SHROOM3: variants seen among roughly 807,000 people sequenced by gnomAD.
SHROOM3 encodes protein Shroom3.
SHROOM3 carries 47 observed loss-of-function variants against 138.6 expected under a neutral mutation model. The observed-to-expected ratio is 0.34, with a 90% CI of 0.27 to 0.43. SHROOM3 has a LOEUF of 0.43. Ranked by LOEUF, SHROOM3 falls within the 20% of genes least tolerant of loss-of-function variation. SHROOM3 has a pLI of 1.00. For synonymous variants in SHROOM3, 1,062 were observed against 1,063.3 expected, an observed-to-expected ratio of 1.00 and a Z score of 0.02; for missense variants, 2,491 against 2,596.5, an observed-to-expected ratio of 0.96 and a Z score of 0.88.
chr4:76,592,208 GA>G (rs2110049590), intron 2 of SHROOM3, among the ~76,000 whole-genome samples: 1 of 152,322 alleles, frequency 6.6e-6, no homozygotes, highest in South Asian at 2.1e-4. Flanking sequence ...ACGTGTTTGG[GA>G]AAGAGCTGGG....
intron 2 of SHROOM3, among the ~76,000 whole-genome samples, chr4:76,695,195 T>C (rs1719688682): frequency 6.6e-6 from 1 of 152,196 alleles, no homozygotes. Context: ...CTAATGAACA[T>C]GTCTTTTCTT....
At chr4:76,699,798 G>A (rs1719853642) in intron 2 of SHROOM3, among the ~76,000 whole-genome samples, 1 of 152,184 alleles carries the variant, frequency 6.6e-6, no homozygotes, top group Non-Finnish European at 1.5e-5. Flanking sequence ...AGGCATGTCA[G>A]AGGTATTTGG....
intron 2 of SHROOM3, among the ~76,000 whole-genome samples, chr4:76,661,199 G>A (rs1336538142): frequency 6.6e-6 from 1 of 151,624 alleles, no homozygotes; most frequent in Non-Finnish European, 1.5e-5. Flanking sequence ...ATTCACTTGT[G>A]TAATCCACAT....
chr4:76,688,952 T>C, intron 2 of SHROOM3: 3 of 961,874 alleles, frequency 3.1e-6, no homozygotes, highest in Non-Finnish European at 3.7e-6. Flanking sequence ...ATTTTCCTTG[T>C]AATGCGAGCT....
chr4:76,504,218 G>A (rs1352683899), intron 1 of SHROOM3, among the ~76,000 whole-genome samples: 1 of 152,098 alleles, frequency 6.6e-6, no homozygotes, highest in Non-Finnish European at 1.5e-5. Context: ...GAGTGTAATG[G>A]CACGATCTCG....
chr4:76,643,039 C>A (rs1735716198), intron 2 of SHROOM3, among the ~76,000 whole-genome samples: 1 of 151,944 alleles, frequency 6.6e-6, no homozygotes, highest in Admixed American at 6.6e-5. Flanking sequence ...AAACCCCCAT[C>A]TCTATTAGAA....
At chr4:76,753,630 C>T (rs559690895) in intron 6 of SHROOM3, among the ~76,000 whole-genome samples, 46 of 152,248 alleles carry the variant, frequency 3.0e-4, no homozygotes, top group African/African-American at 1.0e-3. Flanking sequence ...AAAAGTTTTG[C>T]GAATTGTTGG....
chr4:76,762,937 T>G (rs1037669449), intron 9 of SHROOM3, among the ~76,000 whole-genome samples: 1 of 152,052 alleles, frequency 6.6e-6, no homozygotes, highest in Non-Finnish European at 1.5e-5. Flanking sequence ...CATTGAAGAA[T>G]GTATCGGTAG....
In SHROOM3 at chr4:76,754,613, C is replaced by T; in HGVS notation, c.4130C>T (p.Pro1377Leu). 1 of 1,614,166 alleles carries T rather than the reference C, an allele frequency of 6.2e-7. No homozygotes were observed. Among genetic ancestry groups the T allele is most frequent in the South Asian group, 1.1e-5 (1 of 91,076 alleles). ...CSQDGQTGRQ[P>L]LPPYTPAMMH... ...CAGGACGGTCAGACAGGGCGACAGC[C>T]TCTCCCGCCCTACACCCCTGCCATG... The change falls in exon 7 of 11, where the codon CCT becomes CTT. Residue 1377 changes from proline (P) to leucine (L), a missense_variant. By Grantham distance (98) the Pro-to-Leu change is moderately conservative. Around this residue, in one of 4 missense-constraint regions of SHROOM3, gnomAD observed 1,733 missense variants for 1,661.6 expected, o/e 1.04. Coordinates refer to ENST00000296043, the MANE Select transcript of SHROOM3 (RefSeq NM_020859.4).
chr4:76,548,572 T>C (rs911155791), intron 1 of SHROOM3, among the ~76,000 whole-genome samples: 1 of 152,216 alleles, frequency 6.6e-6, no homozygotes, highest in African/African-American at 2.4e-5. Context: ...ACAGTGTATA[T>C]CACCGTGCTG....
intron 1 of SHROOM3, among the ~76,000 whole-genome samples, chr4:76,542,619 T>C (rs1733130029): frequency 6.6e-6 from 1 of 152,158 alleles, no homozygotes; most frequent in Non-Finnish European, 1.5e-5. Context: ...TGTGGAAGGC[T>C]CTGGAAGCTA....
At chr4:76,436,765 T>C (rs1236681213) in intron 1 of SHROOM3, among the ~76,000 whole-genome samples, 1 of 152,220 alleles carries the variant, frequency 6.6e-6, no homozygotes, top group Non-Finnish European at 1.5e-5. Context: ...ATCTGTATAT[T>C]TGAATCCCTT....
intron 2 of SHROOM3, among the ~76,000 whole-genome samples, chr4:76,661,390 T>C (rs1042451542): frequency 2.6e-5 from 4 of 152,058 alleles, no homozygotes; most frequent in African/African-American, 9.7e-5. Context: ...CCACCACGCC[T>C]GGCTAATTTT....
intron 2 of SHROOM3, among the ~76,000 whole-genome samples, chr4:76,568,984 T>A (rs1227836208): frequency 6.6e-6 from 1 of 152,202 alleles, no homozygotes; most frequent in Admixed American, 6.5e-5. Flanking sequence ...ACAACCTGTG[T>A]ATAGAAAAAA....
intron 2 of SHROOM3, among the ~76,000 whole-genome samples, chr4:76,631,836 G>A (rs758519199): frequency 1.1e-4 from 17 of 152,306 alleles, no homozygotes; most frequent in Admixed American, 2.0e-4. Context: ...GGAAAAAGTC[G>A]AAGCAGAGAG....
chr4:76,592,742 T>C (rs945914036), intron 2 of SHROOM3, among the ~76,000 whole-genome samples: 10 of 152,228 alleles, frequency 6.6e-5, no homozygotes, highest in Admixed American at 2.0e-4. Context: ...TACAAAAGTC[T>C]TATTGAATTC....
At chr4:76,684,048 T>C (rs1719268284) in intron 2 of SHROOM3, among the ~76,000 whole-genome samples, 2 of 152,252 alleles carry the variant, frequency 1.3e-5, no homozygotes, top group African/African-American at 4.8e-5. Flanking sequence ...GCTTTTTCAC[T>C]AGATAATGTG....
chr4:76,690,917 A>G (rs1006769265), intron 2 of SHROOM3, among the ~76,000 whole-genome samples: 11 of 152,174 alleles, frequency 7.2e-5, no homozygotes, highest in Non-Finnish European at 2.9e-5. Context: ...CAAGGAAATA[A>G]ACTTACTTAA....
At chr4:76,751,153 T>C (rs1273829725) in intron 6 of SHROOM3, among the ~76,000 whole-genome samples, 1 of 152,182 alleles carries the variant, frequency 6.6e-6, no homozygotes, top group African/African-American at 2.4e-5. Context: ...CAAAAAAGTA[T>C]AACACTCTTT....
Sources: allele counts gnomAD v4.1 joint callset (sites outside exome capture counted in the v4.1 genomes callset), GRCh38; gene constraint gnomAD v4.1.1; regional missense constraint gnomAD v4.1.1; transcripts MANE v1.5; gene names NCBI Gene and HGNC (gene_info 2026-07-23, HGNC 2026-07-21).